The following MCHR2 variants were observed in gnomAD, a reference collection of about 807,000 sequenced individuals.
MCHR2 encodes the protein melanin-concentrating hormone receptor 2.
In MCHR2, 15 loss-of-function variants were observed where a neutral mutation model predicts 24.8. The observed-to-expected ratio is 0.60, with a 90% confidence interval of 0.40 to 0.93. The LOEUF (loss-of-function observed/expected upper bound fraction) is 0.93, where lower values mean the gene tolerates loss of function less well. Among genes scored for constraint, MCHR2 ranks in the 40% least tolerant of loss-of-function variants. MCHR2 has a pLI of 0.00. For missense variants in MCHR2, 386 were observed against 408.7 expected (o/e 0.94, Z 0.48); for synonymous variants, 151 against 147.6 (o/e 1.02, Z -0.17).
chr6:99,962,177 T>G (rs1485124354), intron 1 of MCHR2, among the ~76,000 whole-genome samples: 1 of 152,204 alleles, frequency 6.6e-6, no homozygotes, highest in Non-Finnish European at 1.5e-5. Flanking sequence ...ACTGCTACAC[T>G]GTGACAGTCA....
intron 1 of MCHR2, among the ~76,000 whole-genome samples, chr6:99,986,197 A>C (rs1775764930): frequency 6.6e-6 from 1 of 152,194 alleles, no homozygotes. Context: ...GGATGCAGAG[A>C]AAAGGAATAC....
chr6:99,976,483 GAGC>G (rs1056354793), intron 1 of MCHR2, among the ~76,000 whole-genome samples: 1 of 152,184 alleles, frequency 6.6e-6, no homozygotes, highest in Admixed American at 6.5e-5. Context: ...TGGTGTGAAG[GAGC>G]AGAACTGCTG....
At chr6:99,991,876 G>A (rs184302425) in intron 1 of MCHR2, among the ~76,000 whole-genome samples, 62 of 151,550 alleles carry the variant, frequency 4.1e-4, no homozygotes, top group African/African-American at 1.4e-3. Flanking sequence ...AACAGAGCAG[G>A]CTCTTGACAA....
chr6:99,962,325 G>C lies in MCHR2; in HGVS notation c.-27-6151C>G, dbSNP rs1050294100. 9.2e-5 allele frequency among the ~76,000 whole-genome samples: 14 copies of C among 152,050 alleles called. 1 individual carries two copies. The highest frequency in any genetic ancestry group is 2.9e-4 in the African/African-American group (12 of 41,408). On this transcript the variant is annotated intron_variant, in intron 1 of 5. Coordinates refer to ENST00000281806, the MANE Select transcript of MCHR2 (RefSeq NM_001040179.2). ...TGAGATTTCACCATGTTCCAGTAAT[G>C]GTGCACAATTTAAAACTTATGAATT...
At chr6:99,935,762 T>G (rs1582376696) in intron 4 of MCHR2, among the ~76,000 whole-genome samples, 1 of 152,006 alleles carries the variant, frequency 6.6e-6, no homozygotes, top group African/African-American at 2.4e-5. Flanking sequence ...AGTTCTATTT[T>G]TAGTTTTTCG....
At chr6:99,975,769 C>T (rs1362244703) in intron 1 of MCHR2, among the ~76,000 whole-genome samples, 1 of 152,244 alleles carries the variant, frequency 6.6e-6, no homozygotes, top group East Asian at 1.9e-4. Context: ...ATTTCTGCCT[C>T]TTACCCATCT....
At chr6:99,993,249 T>G (rs1177086754) in intron 1 of MCHR2, among the ~76,000 whole-genome samples, 1 of 152,184 alleles carries the variant, frequency 6.6e-6, no homozygotes, top group Non-Finnish European at 1.5e-5. Flanking sequence ...CCAGCTGAGT[T>G]GCAAAGGGCC....
chr6:99,947,998 T>C (rs777498448), intron 2 of MCHR2, 27 bp from the exon 3 acceptor site: 3 of 1,592,444 alleles, frequency 1.9e-6, no homozygotes, highest in Non-Finnish European at 2.6e-6. Context: ...AAACTGAGGA[T>C]TGACATTGAA....
chr6:99,941,100 T>G (rs1258652285), intron 4 of MCHR2, among the ~76,000 whole-genome samples: 2 of 152,050 alleles, frequency 1.3e-5, no homozygotes, highest in Non-Finnish European at 2.9e-5. Context: ...GGAAAGCTGG[T>G]TGTCTACCTT....
At chr6:99,960,386 G>T (rs975997399) in intron 1 of MCHR2, among the ~76,000 whole-genome samples, 1 of 152,030 alleles carries the variant, frequency 6.6e-6, no homozygotes, top group East Asian at 1.9e-4. Flanking sequence ...GAATCAATAT[G>T]GTGAAAATGG....
At chr6:99,937,737 A>G (rs1231605111) in intron 4 of MCHR2, among the ~76,000 whole-genome samples, 1 of 138,086 alleles carries the variant, frequency 7.2e-6, no homozygotes, top group Non-Finnish European at 1.6e-5. Context: ...GTTTGGAAGT[A>G]TTCCTTCCTC....
At chr6:99,992,028 G>A (rs541603645) in intron 1 of MCHR2, among the ~76,000 whole-genome samples, 114 of 152,294 alleles carry the variant, frequency 7.5e-4, no homozygotes, top group Non-Finnish European at 1.4e-3. Context: ...TAAGGGATTG[G>A]AGATGAGTAA....
rs528248822 is a variant in MCHR2 at position 99,935,460 on chromosome 6, T to C, written c.588-943A>G. 2.0e-5 allele frequency among the ~76,000 whole-genome samples: 3 copies of C among 152,144 alleles called. 1 individual carries two copies. The East Asian group carries it at 5.8e-4, about 29-fold the overall frequency. On this transcript the variant is annotated intron_variant, in intron 4 of 5. Transcript: ENST00000281806. The stretch of plus-strand genomic sequence containing the variant: ...CCCACATATAAGTGAGAAGATGTGA[T>C]ATTTGTCTTTCTGTACTTGGCTCGT...
intron 4 of MCHR2, among the ~76,000 whole-genome samples, chr6:99,940,180 T>C (rs1208228491): frequency 1.3e-5 from 2 of 152,044 alleles, no homozygotes; most frequent in Non-Finnish European, 2.9e-5. Context: ...AGCTTTCTAC[T>C]CCTTGCGCTT....
chr6:99,990,565 G>A (rs534450265), intron 1 of MCHR2, among the ~76,000 whole-genome samples: 1 of 152,196 alleles, frequency 6.6e-6, no homozygotes, highest in East Asian at 1.9e-4. Context: ...AAGTTATTTG[G>A]AACTGTATTT....
intron 2 of MCHR2, among the ~76,000 whole-genome samples, chr6:99,951,851 T>TGC (rs1336379522): frequency 6.6e-6 from 1 of 152,148 alleles, no homozygotes; most frequent in African/African-American, 2.4e-5. Flanking sequence ...GTCCATCTCG[T>TGC]AACCTCTGTT....
chr6:99,983,763 A>G (rs935098481), intron 1 of MCHR2, among the ~76,000 whole-genome samples: 6 of 152,122 alleles, frequency 3.9e-5, no homozygotes, highest in Non-Finnish European at 7.3e-5. Context: ...CATTTACCAG[A>G]TACACCTTCG....
At chr6:99,947,674 A>G (rs946962452) in intron 3 of MCHR2, 88 bp downstream of exon 3, 1 of 1,373,098 alleles carries the variant, frequency 7.3e-7, no homozygotes, top group East Asian at 2.3e-5. Context: ...GCTGTTATAA[A>G]CCAAAACTGG....
At chr6:99,971,411 G>C (rs1355654622) in intron 1 of MCHR2, among the ~76,000 whole-genome samples, 8 of 151,818 alleles carry the variant, frequency 5.3e-5, no homozygotes, top group Non-Finnish European at 7.4e-5. Flanking sequence ...CATTGATTTT[G>C]TATCCTGAGA....
Sources: allele counts gnomAD v4.1 joint callset (sites outside exome capture counted in the v4.1 genomes callset), GRCh38; gene constraint gnomAD v4.1.1; transcripts MANE v1.5; gene names NCBI Gene and HGNC (gene_info 2026-07-23, HGNC 2026-07-21).